Variants in MYO7B observed in about 807,000 individuals in gnomAD.
MYO7B encodes the protein myosin VIIB, also known as unconventional myosin-VIIb.
A neutral mutation model predicts 259.7 loss-of-function variants in MYO7B; 212 were observed. That is an observed-to-expected ratio of 0.82 (90% CI 0.73 to 0.91). MYO7B has a LOEUF of 0.91. MYO7B is among the 40% of genes least tolerant of loss of function. The pLI is 0.00. For synonymous variants in MYO7B, 1,197 were observed against 1,166.4 expected (o/e 1.03, Z -0.54); for missense variants, 2,732 against 2,813.5 (o/e 0.97, Z 0.66).
At chr2:127,633,081 AGGCCGCGTGGAGCCAGG>A (rs766390867) in intron 39 of MYO7B, among the ~76,000 whole-genome samples, 160 bp from the exon 40 acceptor site, 10 of 152,154 alleles carry the variant, frequency 6.6e-5, no homozygotes, top group Non-Finnish European at 1.2e-4. Context: ...ACTACCTCTG[AGGCCGCGTGGAGCCAGG>A]GGCAGCCCCC....
At chr2:127,623,117 G>A in intron 28 of MYO7B, 85 bp from the exon 29 acceptor site, 1 of 1,496,358 alleles carries the variant, frequency 6.7e-7, no homozygotes. Context: ...ATGGGCTGGG[G>A]AGAGGAGGGA....
intron 7 of MYO7B, 68 bp downstream of exon 7, chr2:127,574,130 C>T: frequency 6.3e-7 from 1 of 1,580,496 alleles, no homozygotes; most frequent in Non-Finnish European, 8.6e-7. Context: ...GGGCCCCTTT[C>T]CCACTCTCAC....
At chr2:127,591,795 C>T (rs1163963030) in intron 16 of MYO7B, among the ~76,000 whole-genome samples, 3 of 152,150 alleles carry the variant, frequency 2.0e-5, no homozygotes, top group Admixed American at 2.0e-4. Flanking sequence ...CTTGGAACCC[C>T]TGCTGAAGCC....
Position 127,631,152 on chromosome 2 carries a change from C to T in MYO7B, c.4938-54C>T, listed in dbSNP as rs576334047. 1,086 of 1,514,908 alleles carry T rather than the reference C, an allele frequency of 7.2e-4. 1 individual carries two copies. Among genetic ancestry groups the T allele is most frequent in the Non-Finnish European group, 9.0e-4 (1,014 of 1,126,488 alleles). The allele number at this position is 1,514,908 out of a possible 1,614,324, so 93.8% of individuals were successfully genotyped here. On this transcript the variant is annotated intron_variant, in intron 36 of 47. Transcript: ENST00000409816. ...TCAGGGGTGTCAGAGGACAGAGAAGCGTGGGACAGAGAAGGCCACAGGGCA... is the reference window on the plus strand; with the variant it reads ...TCAGGGGTGTCAGAGGACAGAGAAGTGTGGGACAGAGAAGGCCACAGGGCA...
chr2:127,547,950 G>A (rs1693299181), intron 1 of MYO7B, among the ~76,000 whole-genome samples: 1 of 152,100 alleles, frequency 6.6e-6, no homozygotes, highest in South Asian at 2.1e-4. Flanking sequence ...ATCCACACCT[G>A]GTGCTTCCTT....
intron 8 of MYO7B, 44 bp from the exon 9 acceptor site, chr2:127,578,088 TG>T (rs1202191383): frequency 6.2e-7 from 1 of 1,605,900 alleles, no homozygotes; most frequent in Non-Finnish European, 8.5e-7. Flanking sequence ...AGGGAGGTGG[TG>T]GGGCAGGGGA....
rs1558850293 is a variant in MYO7B at position 127,629,510 on chromosome 2, G to T, written c.4625-135G>T. ...CCCCTGAGGTTCCAGTCCCACCATC[G>T]CTCACTCTTGGAGTGGTCTTCTGCC... is the stretch of plus-strand genomic sequence containing the variant. On this transcript the variant is annotated intron_variant, in intron 34 of 47. Transcript: ENST00000409816. 1.3e-5 allele frequency: 10 copies of T among 789,674 alleles called. No homozygotes were observed. In the South Asian group the frequency reaches 1.8e-4, roughly 14 times the overall value. 48.9% of individuals were successfully genotyped at this position (789,674 alleles called of 1,614,324 possible). A position where few individuals can be genotyped will look rare whatever the true frequency, so the allele number is the denominator to read the frequency against.
At chr2:127,538,711 G>A (rs946502892) in intron 1 of MYO7B, among the ~76,000 whole-genome samples, 4 of 151,852 alleles carry the variant, frequency 2.6e-5, no homozygotes, top group African/African-American at 2.4e-5. Flanking sequence ...GATTACAGGC[G>A]CACACCACCA....
At chr2:127,617,486 G>GTTTTTTT (rs1558838488) in intron 26 of MYO7B, among the ~76,000 whole-genome samples, 24 of 107,832 alleles carry the variant, frequency 2.2e-4, no homozygotes, top group South Asian at 1.6e-3. Flanking sequence ...CTTGTAACGG[G>GTTTTTTT]GTTTTTTTTT....
At position 127,631,363 on chromosome 2, in the gene MYO7B, G is replaced by A. The variant is rs1422724804; in HGVS notation, c.5095G>A (p.Ala1699Thr). The A allele has an allele frequency of 1.3e-5, 21 of 1,603,570 alleles. No homozygotes were observed. Among genetic ancestry groups the A allele is most frequent in the Non-Finnish European group, 1.6e-5 (19 of 1,172,766 alleles). The change falls in exon 37 of 48, where the codon GCC (alanine) becomes ACC (threonine). Residue 1699 changes from alanine to threonine, a missense_variant and splice_region_variant. By Grantham distance (58) the Ala-to-Thr change is moderately conservative. Around this residue, in one of 3 missense-constraint regions of MYO7B, gnomAD observed 821 missense variants for 769.3 expected, o/e 1.07. Transcript: ENST00000409816. ...GGACATCGCCTGCCAGATCTTTGTC[G>A]ATATCCTTCCCCACCAGCCTGCCTG... The part of the protein sequence containing the change: ...LWDIACQIFV[A>T]ILRYMGDYPS...
chr2:127,549,366 GT>G (rs1693362187), intron 1 of MYO7B, among the ~76,000 whole-genome samples: 1 of 152,078 alleles, frequency 6.6e-6, no homozygotes, highest in Non-Finnish European at 1.5e-5. Context: ...GTACAGGTTC[GT>G]TACGTGGATA....
At position 127,614,867 on chromosome 2, in the gene MYO7B, T is replaced by G. The variant is rs1680511145; in HGVS notation, c.3398+2264T>G. Among the ~76,000 whole-genome samples, 1 of 152,218 alleles carries G rather than the reference T, an allele frequency of 6.6e-6. No individual in the cohort carries two copies. Among genetic ancestry groups the G allele is most frequent in the African/African-American group, 2.4e-5 (1 of 41,454 alleles). On this transcript the variant is annotated intron_variant, in intron 26 of 47. Coordinates refer to ENST00000409816, the MANE Select transcript of MYO7B (RefSeq NM_001393586.1). The surrounding 1 kb of genome is among the most constrained non-coding windows in gnomAD (Gnocchi z 4.6). ...TTAGTAAATCCTACAAGAATGTGTC[T>G]CTTTAGAACGTCGGATATGAGCATC...
At chr2:127,560,030 C>CTTT (rs59002626) in intron 2 of MYO7B, among the ~76,000 whole-genome samples, 19 of 138,180 alleles carry the variant, frequency 1.4e-4, no homozygotes, top group African/African-American at 4.9e-4. Flanking sequence ...CTTTTCTTTT[C>CTTT]TTTTTTTTTT....
Position 127,633,373 on chromosome 2 carries a change from T to C in MYO7B, c.5511+10T>C. ...CAATGACACCAGTGAGGTGAGGCCCTGCTCTGGTCTGCACGGCAAGTCTCA... is the reference window on the plus strand; with the variant it reads ...CAATGACACCAGTGAGGTGAGGCCCCGCTCTGGTCTGCACGGCAAGTCTCA... On this transcript the variant is annotated intron_variant, in intron 40 of 47. Coordinates refer to ENST00000409816, the MANE Select transcript of MYO7B (RefSeq NM_001393586.1). 6.2e-7 allele frequency: 1 copy of C among 1,610,604 alleles called. No homozygotes were observed. The highest frequency in any genetic ancestry group is 8.5e-7 in the Non-Finnish European group (1 of 1,178,108).
intron 39 of MYO7B, among the ~76,000 whole-genome samples, chr2:127,632,839 G>C (rs896544277): frequency 1.2e-4 from 18 of 152,194 alleles, no homozygotes; most frequent in Non-Finnish European, 2.6e-4. Flanking sequence ...TCCTGTGGCC[G>C]TGAGGAGGGC....
Position 127,617,263 on chromosome 2 carries a change from G to A in MYO7B, c.3399-3077G>A, listed in dbSNP as rs1469661744. Among the ~76,000 whole-genome samples, 8 of 152,030 alleles carry A rather than the reference G, an allele frequency of 5.3e-5. No homozygotes were observed. In the East Asian group the frequency reaches 5.8e-4, roughly 11 times the overall value. On this transcript the variant is annotated intron_variant, in intron 26 of 47. Coordinates refer to ENST00000409816, the MANE Select transcript of MYO7B (RefSeq NM_001393586.1). ...AGCCAATTTTCATCCTTCCTCTCCCGTTCACCACTTTCGATAGGTGCTGTA... is the reference window on the plus strand; with the variant it reads ...AGCCAATTTTCATCCTTCCTCTCCCATTCACCACTTTCGATAGGTGCTGTA...
Position 127,584,998 on chromosome 2 carries a change from C to G in MYO7B, c.1690+85C>G. The stretch of plus-strand genomic sequence containing the variant: ...TGGAAAGCAGGCTCAGAGGATGAGG[C>G]TATTTTGCAGCTCTAGCAATGGGGC... On this transcript the variant is annotated intron_variant, in intron 14 of 47. Transcript: ENST00000409816. This position sits in a 1 kb window ranked among gnomAD's most constrained non-coding sequence, Gnocchi z 5.8. The G allele has an allele frequency of 6.5e-7, 1 of 1,548,298 alleles. No individual in the cohort carries two copies.
At chr2:127,629,070 C>T (rs1457105292) in intron 34 of MYO7B, among the ~76,000 whole-genome samples, 2 of 152,150 alleles carry the variant, frequency 1.3e-5, no homozygotes, top group Non-Finnish European at 2.9e-5. Flanking sequence ...CCCCGCTGGG[C>T]CAGCCTGCTG....
At chr2:127,565,068 C>A (rs1678272589) in intron 3 of MYO7B, among the ~76,000 whole-genome samples, 165 bp from the exon 4 acceptor site, 3 of 152,236 alleles carry the variant, frequency 2.0e-5, no homozygotes, top group Admixed American at 1.3e-4. Context: ...GTCTCTTGAC[C>A]CTTGTCATAG....
Sources: allele counts gnomAD v4.1 joint callset (sites outside exome capture counted in the v4.1 genomes callset), GRCh38; gene constraint gnomAD v4.1.1; regional missense constraint gnomAD v4.1.1; non-coding constraint Gnocchi (gnomAD v3.1); transcripts MANE v1.5; gene names NCBI Gene and HGNC (gene_info 2026-07-23, HGNC 2026-07-21).